Variants in PRKCQ observed in about 807,000 individuals in gnomAD.
The protein encoded by PRKCQ is protein kinase C theta type.
In PRKCQ, 41 loss-of-function variants were observed where a neutral mutation model predicts 91.2. The observed-to-expected ratio is 0.45, with a 90% CI of 0.35 to 0.58. The LOEUF (loss-of-function observed/expected upper bound fraction) is 0.58, where lower values mean the gene tolerates loss of function less well. PRKCQ is among the 20% of genes least tolerant of loss of function. The pLI is 0.00. For missense variants in PRKCQ, 673 were observed against 896.5 expected (o/e 0.75, Z 3.18); for synonymous variants, 307 against 316.9 (o/e 0.97, Z 0.33).
At chr10:6,510,900 G>T in intron 3 of PRKCQ, 95 bp downstream of exon 3, 1 of 1,462,572 alleles carries the variant, frequency 6.8e-7, no homozygotes, top group Non-Finnish European at 9.5e-7. Context: ...CGAGGCCAGT[G>T]TAATCACACC....
chr10:6,538,390 G>A (rs956660838), intron 1 of PRKCQ, among the ~76,000 whole-genome samples: 8 of 152,258 alleles, frequency 5.3e-5, no homozygotes, highest in African/African-American at 1.7e-4. Context: ...TTCCAGACAG[G>A]AATGACCTCT....
chr10:6,511,621 G>C (rs1262217187), intron 2 of PRKCQ, among the ~76,000 whole-genome samples: 8 of 152,132 alleles, frequency 5.3e-5, no homozygotes, highest in Non-Finnish European at 4.4e-5. Flanking sequence ...CTAAAACTAG[G>C]GATTTATATA....
chr10:6,533,261 G>C lies in PRKCQ; in HGVS notation c.-9-18117C>G, dbSNP rs868178915. The stretch of plus-strand genomic sequence containing the variant: ...TGCCCAGGCTGGAGTGCAGTGGCAT[G>C]ATCTCGGCTCACTGCAACCACCATC... On this transcript the variant is annotated intron_variant, in intron 1 of 17. Coordinates refer to ENST00000263125, the MANE Select transcript of PRKCQ (RefSeq NM_006257.5). 2.0e-5 allele frequency among the ~76,000 whole-genome samples: 3 copies of C among 152,252 alleles called. 1 individual carries two copies. In the South Asian group the frequency reaches 6.2e-4, roughly 32 times the overall value.
chr10:6,574,673 A>C (rs1841162540), intron 1 of PRKCQ, among the ~76,000 whole-genome samples: 1 of 152,170 alleles, frequency 6.6e-6, no homozygotes, highest in Non-Finnish European at 1.5e-5. Context: ...ACACTCCAAG[A>C]AGTTCACTGG....
chr10:6,504,017 A>G (rs911387738), intron 4 of PRKCQ, among the ~76,000 whole-genome samples: 4 of 152,144 alleles, frequency 2.6e-5, no homozygotes, highest in Admixed American at 6.5e-5. Flanking sequence ...GATTCAAGTG[A>G]TCCTCCTGCC....
intron 1 of PRKCQ, among the ~76,000 whole-genome samples, chr10:6,522,348 A>G (rs1384701064): frequency 3.3e-5 from 5 of 152,206 alleles, no homozygotes; most frequent in Admixed American, 6.5e-5. Context: ...ATGCAGGTAC[A>G]TGATCAAGTA....
chr10:6,571,461 C>A (rs1374126197), intron 1 of PRKCQ, among the ~76,000 whole-genome samples: 1 of 152,200 alleles, frequency 6.6e-6, no homozygotes, highest in Non-Finnish European at 1.5e-5. Flanking sequence ...AAGTTTATAA[C>A]CTTCCTAACA....
intron 15 of PRKCQ, among the ~76,000 whole-genome samples, chr10:6,453,135 C>A (rs1333128084): frequency 6.7e-6 from 1 of 150,318 alleles, no homozygotes; most frequent in Non-Finnish European, 1.5e-5. Flanking sequence ...AGTGAACAGG[C>A]AACCTACAAA....
intron 13 of PRKCQ, 92 bp from the exon 14 acceptor site, chr10:6,462,457 G>A: frequency 2.7e-6 from 3 of 1,121,678 alleles, no homozygotes; most frequent in Non-Finnish European, 2.7e-6. Context: ...GACATGCTGT[G>A]TATGGCTAAA....
intron 12 of PRKCQ, among the ~76,000 whole-genome samples, chr10:6,470,170 TCAC>T (rs1489845009): frequency 1.3e-5 from 2 of 152,210 alleles, no homozygotes; most frequent in Non-Finnish European, 2.9e-5. Flanking sequence ...TGTCAACTCT[TCAC>T]CACATTAAAT....
chr10:6,462,194 A>C, intron 14 of PRKCQ, 109 bp downstream of exon 14: 1 of 959,630 alleles, frequency 1.0e-6, no homozygotes, highest in Non-Finnish European at 1.6e-6. Context: ...TGTGGAGCTT[A>C]CTCCCAGGAA....
At chr10:6,435,574 C>A (rs1248526382) in intron 16 of PRKCQ, among the ~76,000 whole-genome samples, 1 of 152,208 alleles carries the variant, frequency 6.6e-6, no homozygotes, top group African/African-American at 2.4e-5. Context: ...TGGGAAATAA[C>A]AAGTCCAAAC....
chr10:6,535,467 T>A (rs1446632918), intron 1 of PRKCQ, among the ~76,000 whole-genome samples: 1 of 152,038 alleles, frequency 6.6e-6, no homozygotes, highest in Admixed American at 6.5e-5. Flanking sequence ...TATGTATTAA[T>A]ACATTTTTTT....
chr10:6,425,328 G>A (rs951101310), downstream of PRKCQ, among the ~76,000 whole-genome samples: 17 of 151,464 alleles, frequency 1.1e-4, no homozygotes, highest in African/African-American at 2.9e-4. Context: ...GAGTTCAAGC[G>A]ATTCTCCTGC....
the PRKCQ span, among the ~76,000 whole-genome samples, chr10:6,419,677 GAA>G: frequency 7.1e-6 from 1 of 140,154 alleles, no homozygotes; most frequent in East Asian, 2.1e-4. Context: ...TGACAGAACT[GAA>G]ATCTCCTTTT....
At chr10:6,428,510 C>G in intron 17 of PRKCQ, 148 bp from the exon 18 acceptor site, 2 of 760,902 alleles carry the variant, frequency 2.6e-6, no homozygotes, top group East Asian at 5.0e-5. Context: ...CTACAGATGA[C>G]CATGCCCAGC....
intron 15 of PRKCQ, among the ~76,000 whole-genome samples, chr10:6,445,272 C>T (rs1295727366): frequency 6.6e-6 from 1 of 152,108 alleles, no homozygotes; most frequent in Non-Finnish European, 1.5e-5. Flanking sequence ...CCGGGGCCCA[C>T]TCCTGGGAGA....
intron 1 of PRKCQ, among the ~76,000 whole-genome samples, chr10:6,558,361 G>A (rs1445554581): frequency 6.6e-6 from 1 of 152,096 alleles, no homozygotes; most frequent in African/African-American, 2.4e-5. Flanking sequence ...GATGTAAACA[G>A]ACATACAGTA....
chr10:6,473,337 T>A (rs1336013990), intron 12 of PRKCQ, among the ~76,000 whole-genome samples: 1 of 152,264 alleles, frequency 6.6e-6, no homozygotes, highest in Non-Finnish European at 1.5e-5. Context: ...TTTGAATAAA[T>A]GCTCTTTAAA....
Sources: allele counts gnomAD v4.1 joint callset (sites outside exome capture counted in the v4.1 genomes callset), GRCh38; gene constraint gnomAD v4.1.1; transcripts MANE v1.5; gene names NCBI Gene and HGNC (gene_info 2026-07-23, HGNC 2026-07-21).